The following ATP9A variants were observed in gnomAD, a reference collection of about 807,000 sequenced individuals.
ATP9A encodes the protein probable phospholipid-transporting ATPase IIA.
ATP9A carries 52 observed loss-of-function variants against 144.1 expected under a neutral mutation model. That is an observed-to-expected ratio of 0.36 (90% CI 0.29 to 0.45). ATP9A has a LOEUF of 0.45. Ranked by LOEUF, ATP9A falls within the 20% of genes least tolerant of loss-of-function variation. The pLI, the probability that ATP9A is intolerant of heterozygous loss-of-function variation, is 1.00. For synonymous variants in ATP9A, 582 were observed against 557.4 expected (o/e 1.04, Z -0.62); for missense variants, 947 against 1,392.7 (o/e 0.68, Z 5.09).
chr20:51,601,129 G>C lies in ATP9A; in HGVS notation c.*82C>G. ...TTAGCAATTACTGCAAAATCCACAG[G>C]TGGCGGTTAATATAAATGGAACTTG... is the stretch of plus-strand genomic sequence containing the variant. On this transcript the variant is annotated 3_prime_UTR_variant, in exon 28 of 28. Transcript: ENST00000338821. 2.1e-6 allele frequency: 3 copies of C among 1,463,272 alleles called. No homozygotes were observed. The South Asian group carries it at 4.3e-5, about 21-fold the overall frequency. The allele number at this position is 1,463,272 out of a possible 1,614,324, so 90.6% of individuals were successfully genotyped here. A position where few individuals can be genotyped will look rare whatever the true frequency, so the allele number is the denominator to read the frequency against.
At chr20:51,640,140 G>T (rs1601075295) in intron 14 of ATP9A, among the ~76,000 whole-genome samples, 1 of 151,798 alleles carries the variant, frequency 6.6e-6, no homozygotes, top group South Asian at 2.1e-4. Flanking sequence ...GCACAATTAC[G>T]GATCACTCCT....
intron 1 of ATP9A, among the ~76,000 whole-genome samples, chr20:51,738,121 T>G (rs2122885023): frequency 6.6e-6 from 1 of 151,190 alleles, no homozygotes; most frequent in South Asian, 2.1e-4. Context: ...CTCCACCTCC[T>G]GGGTTCAAGC....
intron 1 of ATP9A, among the ~76,000 whole-genome samples, chr20:51,763,207 G>A (rs914009591): frequency 1.3e-5 from 2 of 152,088 alleles, no homozygotes; most frequent in Non-Finnish European, 2.9e-5. Context: ...AATTGCAGAT[G>A]GGCTGGAGGA....
chr20:51,648,815 C>T (rs886386516), intron 14 of ATP9A, among the ~76,000 whole-genome samples: 1 of 152,178 alleles, frequency 6.6e-6, no homozygotes, highest in Middle Eastern at 3.4e-3. Context: ...CTGGGCAATA[C>T]AGCAAGATCC....
intron 4 of ATP9A, among the ~76,000 whole-genome samples, chr20:51,709,038 A>G (rs2077626400): frequency 6.6e-6 from 1 of 152,216 alleles, no homozygotes; most frequent in Non-Finnish European, 1.5e-5. Context: ...ATTAATAGCA[A>G]TATATTGATG....
At chr20:51,673,741 A>AG (rs2077465764) in intron 11 of ATP9A, among the ~76,000 whole-genome samples, 1 of 152,034 alleles carries the variant, frequency 6.6e-6, no homozygotes, top group Admixed American at 6.5e-5. Flanking sequence ...TCCTCACTCT[A>AG]CAAAGAGATC....
chr20:51,658,888 C>CGGGGGGGGGGGGGGG (rs11477336), intron 13 of ATP9A, among the ~76,000 whole-genome samples: 2 of 54,824 alleles, frequency 3.6e-5, no homozygotes, highest in Admixed American at 4.7e-4. Context: ...AGACCACTGG[C>CGGGGGGGGGGGGGGG]GGGGGGGGGG....
At chr20:51,748,941 AGATAG>A (rs1344077316) in intron 1 of ATP9A, among the ~76,000 whole-genome samples, 1 of 139,250 alleles carries the variant, frequency 7.2e-6, no homozygotes, top group Non-Finnish European at 1.6e-5. Flanking sequence ...ATAGATAGAT[AGATAG>A]ATAGACAGAC....
At chr20:51,767,986 G>C (rs2077912832) in intron 1 of ATP9A, among the ~76,000 whole-genome samples, 1 of 152,202 alleles carries the variant, frequency 6.6e-6, no homozygotes, top group Admixed American at 6.5e-5. Flanking sequence ...CGGTGAGAAA[G>C]CACGGCTGAT....
At chr20:51,617,214 G>C (rs1282987694) in intron 22 of ATP9A, among the ~76,000 whole-genome samples, 1 of 151,828 alleles carries the variant, frequency 6.6e-6, no homozygotes, top group African/African-American at 2.4e-5. Context: ...CAAAGTGCTG[G>C]GATTACAGGC....
chr20:51,766,753 T>C (rs181224678), intron 1 of ATP9A, among the ~76,000 whole-genome samples: 4 of 151,994 alleles, frequency 2.6e-5, no homozygotes, highest in Non-Finnish European at 4.4e-5. Context: ...AGGCAGAGAA[T>C]TGCTTGAACC....
At position 51,684,765 on chromosome 20, in the gene ATP9A, C is replaced by T. The variant is rs188842145; in HGVS notation, c.799+4299G>A. ...GTGGCTCACGCCTGTAATCCCAGCA[C>T]TTTGGTAGGCTGAGACAGGTGGGTC... On this transcript the variant is annotated intron_variant, in intron 9 of 27. Coordinates refer to ENST00000338821, the MANE Select transcript of ATP9A (RefSeq NM_006045.3). Among the ~76,000 whole-genome samples the T allele has an allele frequency of 5.1e-3, 763 of 150,490 alleles. 3 individuals are homozygous for T. The highest frequency in any genetic ancestry group is 0.017 in the African/African-American group (714 of 41,022).
At chr20:51,743,551 C>A (rs2122892251) in intron 1 of ATP9A, among the ~76,000 whole-genome samples, 1 of 150,880 alleles carries the variant, frequency 6.6e-6, no homozygotes, top group African/African-American at 2.4e-5. Context: ...AGGCGTGCAC[C>A]ACCACGCCAG....
chr20:51,714,031 C>T (rs1049589993), intron 3 of ATP9A, among the ~76,000 whole-genome samples: 7 of 151,496 alleles, frequency 4.6e-5, no homozygotes, highest in Admixed American at 6.6e-5. Context: ...CTCAGCCTCT[C>T]GAGTAGCTGG....
Position 51,680,221 on chromosome 20 carries a change from G to C in ATP9A, c.800-4013C>G, listed in dbSNP as rs562778598. Among the ~76,000 whole-genome samples the C allele has an allele frequency of 7.4e-5, 6 of 81,294 alleles. No homozygotes were observed. In the East Asian group the frequency reaches 1.7e-3, roughly 23 times the overall value. The allele number at this position is 81,294 out of a possible 152,430, so 53.3% of individuals were successfully genotyped here. On this transcript the variant is annotated intron_variant, in intron 9 of 27. Transcript: ENST00000338821. Reference sequence around the variant, plus strand: ...CGCCAGCCTGAGCGACAGTGAGACTGTCTTAAAAAAAAAAAAAAAAAAAAA... The same window carrying C: ...CGCCAGCCTGAGCGACAGTGAGACTCTCTTAAAAAAAAAAAAAAAAAAAAA...
chr20:51,624,236 G>T (rs2077238510), intron 18 of ATP9A, among the ~76,000 whole-genome samples: 1 of 152,178 alleles, frequency 6.6e-6, no homozygotes, highest in Non-Finnish European at 1.5e-5. Context: ...CAGTGGGCCT[G>T]AATGTTGCCT....
chr20:51,632,797 T>C lies in ATP9A; in HGVS notation c.1669-3725A>G, dbSNP rs111979060. On this transcript the variant is annotated intron_variant, in intron 15 of 27. Coordinates refer to ENST00000338821, the MANE Select transcript of ATP9A (RefSeq NM_006045.3). ...TTCATTAAAGACAACCTCACCAAGA[T>C]GGACATTCACAGCACTATTTTTAGT... Among the ~76,000 whole-genome samples, 323 of 152,194 alleles carry C rather than the reference T, an allele frequency of 2.1e-3. 2 individuals are homozygous for C. The highest frequency in any genetic ancestry group is 3.7e-3 in the Non-Finnish European group (249 of 68,014).
intron 1 of ATP9A, among the ~76,000 whole-genome samples, chr20:51,763,642 A>AAG (rs1402777362): frequency 6.6e-6 from 1 of 152,190 alleles, no homozygotes. Flanking sequence ...GATGTATGCT[A>AAG]TATAAATTAT....
At chr20:51,707,140 C>G (rs1188071014) in intron 4 of ATP9A, among the ~76,000 whole-genome samples, 1 of 152,192 alleles carries the variant, frequency 6.6e-6, no homozygotes. Flanking sequence ...CATCTGGGTC[C>G]TGGCCTGAGT....
Sources: allele counts gnomAD v4.1 joint callset (sites outside exome capture counted in the v4.1 genomes callset), GRCh38; gene constraint gnomAD v4.1.1; transcripts MANE v1.5; gene names NCBI Gene and HGNC (gene_info 2026-07-23, HGNC 2026-07-21).